The following VAV3 variants were observed in gnomAD, a reference collection of about 807,000 sequenced individuals.
VAV3 encodes vav guanine nucleotide exchange factor 3, also known as guanine nucleotide exchange factor VAV3.
A neutral mutation model predicts 131.2 loss-of-function variants in VAV3; 94 were observed. The observed-to-expected ratio is 0.72, with a 90% CI of 0.61 to 0.85. The LOEUF is 0.85. Among genes scored for constraint, VAV3 ranks in the 40% least tolerant of loss-of-function variants. The pLI, the probability that VAV3 is intolerant of heterozygous loss-of-function variation, is 0.00. For synonymous variants in VAV3, 349 were observed against 342.0 expected, an observed-to-expected ratio of 1.02 and a Z score of -0.22; for missense variants, 939 against 1,002.7, an observed-to-expected ratio of 0.94 and a Z score of 0.86.
At chr1:107,677,156 C>T (rs914612241) in intron 19 of VAV3, among the ~76,000 whole-genome samples, 1 of 152,134 alleles carries the variant, frequency 6.6e-6, no homozygotes, top group Non-Finnish European at 1.5e-5. Context: ...AGAAATTCCA[C>T]AAATAGCACT....
intron 25 of VAV3, among the ~76,000 whole-genome samples, chr1:107,582,894 G>T (rs199532225): frequency 6.6e-6 from 1 of 152,060 alleles, no homozygotes; most frequent in East Asian, 1.9e-4. Context: ...TGTCTTTATA[G>T]CAGCATGATT....
intron 1 of VAV3, among the ~76,000 whole-genome samples, chr1:107,896,951 A>G (rs891587989): frequency 3.9e-5 from 6 of 152,128 alleles, no homozygotes; most frequent in South Asian, 2.1e-4. Flanking sequence ...AAATAAATCT[A>G]TTCTGTACAA....
chr1:107,848,919 A>G (rs920474351), intron 2 of VAV3, among the ~76,000 whole-genome samples: 4 of 152,176 alleles, frequency 2.6e-5, no homozygotes, highest in South Asian at 2.1e-4. Context: ...AAACATTCCT[A>G]TACACCAATC....
intron 2 of VAV3, among the ~76,000 whole-genome samples, chr1:107,811,161 T>A (rs1407834455): frequency 1.3e-5 from 2 of 152,196 alleles, no homozygotes; most frequent in Admixed American, 1.3e-4. Context: ...TGTTGGTTTT[T>A]AATCACTTTC....
chr1:107,872,093 A>C (rs559625447), intron 2 of VAV3, among the ~76,000 whole-genome samples: 30 of 152,250 alleles, frequency 2.0e-4, no homozygotes, highest in African/African-American at 7.2e-4. Context: ...GTGAGACCCA[A>C]AACACAGACA....
At chr1:107,806,016 A>G (rs1358493999) in intron 2 of VAV3, among the ~76,000 whole-genome samples, 2 of 152,112 alleles carry the variant, frequency 1.3e-5, no homozygotes, top group Non-Finnish European at 2.9e-5. Context: ...TACCACCTAT[A>G]GCATGGTACT....
At chr1:107,638,923 CAT>C (rs1314661081) in intron 20 of VAV3, among the ~76,000 whole-genome samples, 1 of 151,866 alleles carries the variant, frequency 6.6e-6, no homozygotes, top group African/African-American at 2.4e-5. Flanking sequence ...GATACACACA[CAT>C]ATAAAGATAC....
At position 107,650,682 on chromosome 1, in the gene VAV3, T is replaced by C. The variant is rs985697508; in HGVS notation, c.1778-7927A>G. On this transcript the variant is annotated intron_variant, in intron 19 of 26. Transcript: ENST00000370056. ...CATTAACTCATCATTTAGCATTAGGTATATCTTCTAATGCTATCCCTCCCC... is the reference window on the plus strand; with the variant it reads ...CATTAACTCATCATTTAGCATTAGGCATATCTTCTAATGCTATCCCTCCCC... Among the ~76,000 whole-genome samples, 5 of 149,828 alleles carry C rather than the reference T, an allele frequency of 3.3e-5. No individual in the cohort carries two copies. In the East Asian group the frequency reaches 9.8e-4, roughly 30 times the overall value.
intron 15 of VAV3, among the ~76,000 whole-genome samples, chr1:107,732,729 C>A (rs1454127169): frequency 6.6e-6 from 1 of 152,154 alleles, no homozygotes; most frequent in Non-Finnish European, 1.5e-5. Flanking sequence ...CTGGGTGGAG[C>A]CCACCTCAGC....
At chr1:107,815,432 C>T (rs1013571627) in intron 2 of VAV3, among the ~76,000 whole-genome samples, 8 of 152,182 alleles carry the variant, frequency 5.3e-5, no homozygotes, top group Admixed American at 1.3e-4. Flanking sequence ...ACGGACAGTG[C>T]CCCTGGCCAA....
At chr1:107,870,484 G>C (rs1216036655) in intron 2 of VAV3, among the ~76,000 whole-genome samples, 1 of 150,776 alleles carries the variant, frequency 6.6e-6, no homozygotes, top group African/African-American at 2.5e-5. Context: ...TGATGGGACT[G>C]TTTGTTTTAT....
At chr1:107,887,288 G>T (rs1329352220) in intron 1 of VAV3, among the ~76,000 whole-genome samples, 1 of 152,182 alleles carries the variant, frequency 6.6e-6, no homozygotes, top group Non-Finnish European at 1.5e-5. Context: ...TTCAATCACG[G>T]ATTGAATTTA....
chr1:107,746,009 A>C lies in VAV3; in HGVS notation c.1502+2959T>G, dbSNP rs143789112. Among the ~76,000 whole-genome samples, 63 of 152,344 alleles carry C rather than the reference A, an allele frequency of 4.1e-4. 1 individual carries two copies. The East Asian group carries it at 0.012, about 29-fold the overall frequency. ...CTTCATGCATTGTCATGGATGCTGC[A>C]GGAGTTATTTTCTTTTATTCTCCAT... On this transcript the variant is annotated intron_variant, in intron 15 of 26. Coordinates refer to ENST00000370056, the MANE Select transcript of VAV3 (RefSeq NM_006113.5).
chr1:107,833,428 C>T (rs1668341321), intron 2 of VAV3, among the ~76,000 whole-genome samples: 1 of 152,180 alleles, frequency 6.6e-6, no homozygotes, highest in African/African-American at 2.4e-5. Flanking sequence ...AGAAAGAAGT[C>T]ATCTTCATAA....
At chr1:107,713,209 T>A (rs570925010) in intron 15 of VAV3, among the ~76,000 whole-genome samples, 5 of 152,112 alleles carry the variant, frequency 3.3e-5, no homozygotes, top group Admixed American at 1.3e-4. Flanking sequence ...AAAATTTAGA[T>A]AGGAACCTGA....
intron 1 of VAV3, among the ~76,000 whole-genome samples, chr1:107,936,794 C>T (rs1673731741): frequency 6.6e-6 from 1 of 152,196 alleles, no homozygotes; most frequent in South Asian, 2.1e-4. Flanking sequence ...CCCTGCACTT[C>T]CTTTCCTGGT....
In VAV3 at chr1:107,776,856, C is replaced by A. The variant is rs982818007; in HGVS notation, c.446+375G>T. ...ACTAAAACATCCCGAATAGCTCCAA[C>A]CCACACTTATCTCTCCCTTCCTTGA... On this transcript the variant is annotated intron_variant, in intron 4 of 26. Transcript: ENST00000370056. Among the ~76,000 whole-genome samples the A allele has an allele frequency of 3.9e-5, 6 of 152,218 alleles. No individual in the cohort carries two copies. The East Asian group carries it at 1.2e-3, about 29-fold the overall frequency.
At chr1:107,881,013 A>G (rs1670747271) in intron 1 of VAV3, among the ~76,000 whole-genome samples, 2 of 152,168 alleles carry the variant, frequency 1.3e-5, no homozygotes, top group African/African-American at 2.4e-5. Context: ...CAACATTTAC[A>G]TAACTGCTTT....
chr1:107,656,443 G>A (rs1168437863), intron 19 of VAV3, among the ~76,000 whole-genome samples: 2 of 152,152 alleles, frequency 1.3e-5, no homozygotes, highest in Non-Finnish European at 2.9e-5. Context: ...TATATTCATG[G>A]TTACCAGAGG....
Sources: allele counts gnomAD v4.1 joint callset (sites outside exome capture counted in the v4.1 genomes callset), GRCh38; gene constraint gnomAD v4.1.1; transcripts MANE v1.5; gene names NCBI Gene and HGNC (gene_info 2026-07-23, HGNC 2026-07-21).